HLF: variants seen among roughly 807,000 people sequenced by gnomAD.
HLF encodes hepatic leukemia factor.
A neutral mutation model predicts 22.6 loss-of-function variants in HLF; 3 were observed. The ratio of observed to expected loss-of-function variants is 0.13; its 90% confidence interval spans 0.06 to 0.34. The LOEUF is 0.34. Among genes scored for constraint, HLF ranks in the 10% least tolerant of loss-of-function variants. The pLI is 1.00. For synonymous variants in HLF, 151 were observed against 151.8 expected (o/e 0.99, Z 0.04); for missense variants, 299 against 389.2 (o/e 0.77, Z 1.95).
chr17:55,302,547 T>C (rs1264146512), intron 2 of HLF, among the ~76,000 whole-genome samples: 2 of 152,162 alleles, frequency 1.3e-5, no homozygotes, highest in Non-Finnish European at 2.9e-5. Context: ...GGGGAGCATA[T>C]GGGTCATTTG....
chr17:55,269,674 G>A (rs967376282), intron 2 of HLF, among the ~76,000 whole-genome samples: 31 of 152,168 alleles, frequency 2.0e-4, no homozygotes, highest in African/African-American at 7.0e-4. Flanking sequence ...TACGTATAAA[G>A]GGTCAACTGA....
At position 55,289,507 on chromosome 17, in the gene HLF, G is replaced by A. The variant is rs375421572; in HGVS notation, c.451+21421G>A. The stretch of plus-strand genomic sequence containing the variant: ...GTGTGCCTCAGTTTACTAATATGCT[G>A]GGGAAAATAACACCCCTCTTGCCAA... On this transcript the variant is annotated intron_variant, in intron 2 of 3. Coordinates refer to ENST00000226067, the MANE Select transcript of HLF (RefSeq NM_002126.5). Among the ~76,000 whole-genome samples the A allele has an allele frequency of 1.9e-3, 288 of 152,240 alleles. 1 individual carries two copies. The highest frequency in any genetic ancestry group is 3.1e-3 in the Non-Finnish European group (214 of 68,016).
intron 2 of HLF, among the ~76,000 whole-genome samples, chr17:55,312,749 CTT>C (rs989328678): frequency 3.9e-5 from 6 of 152,170 alleles, no homozygotes; most frequent in Admixed American, 6.5e-5. Context: ...CTTTCACTCT[CTT>C]TACACATTCC....
intron 2 of HLF, among the ~76,000 whole-genome samples, chr17:55,298,537 C>T (rs1006791067): frequency 2.0e-5 from 3 of 152,160 alleles, no homozygotes; most frequent in African/African-American, 7.2e-5. Context: ...TTTAGCTTGG[C>T]TAATCTTAGT....
chr17:55,273,939 C>T (rs1005763154), intron 2 of HLF, among the ~76,000 whole-genome samples: 1 of 152,182 alleles, frequency 6.6e-6, no homozygotes, highest in Admixed American at 6.5e-5. Flanking sequence ...GCCCTCTCTC[C>T]TGCCTGTCTG....
chr17:55,303,056 G>C (rs937062023), intron 2 of HLF, among the ~76,000 whole-genome samples: 1 of 152,202 alleles, frequency 6.6e-6, no homozygotes, highest in Non-Finnish European at 1.5e-5. Flanking sequence ...GTTGACAAAA[G>C]CAGAAGTCCC....
At chr17:55,284,409 T>G (rs1027962996) in intron 2 of HLF, among the ~76,000 whole-genome samples, 2 of 152,224 alleles carry the variant, frequency 1.3e-5, no homozygotes, top group African/African-American at 4.8e-5. Flanking sequence ...TACTGCTGTT[T>G]CCTGTTGTTT....
intron 2 of HLF, among the ~76,000 whole-genome samples, chr17:55,303,430 C>CT (rs765349492): frequency 5.3e-5 from 8 of 152,328 alleles, no homozygotes; most frequent in Non-Finnish European, 1.0e-4. Flanking sequence ...AACTAGAAAG[C>CT]TACCCTTCTC....
At chr17:55,297,452 G>T (rs184679122) in intron 2 of HLF, among the ~76,000 whole-genome samples, 1 of 152,190 alleles carries the variant, frequency 6.6e-6, no homozygotes, top group East Asian at 1.9e-4. Context: ...CCCTTGCTTA[G>T]GTAGCCTCAA....
rs771286163 is a variant in HLF at position 55,267,752 on chromosome 17, A to G, written c.117A>G (p.Ala39=). The G allele has an allele frequency of 3.2e-6, 5 of 1,560,916 alleles. No homozygotes were observed. The highest frequency in any genetic ancestry group is 2.3e-5 in the South Asian group (2 of 85,376). The change falls in exon 2 of 4, where the codon GCA becomes GCG. Residue 39 remains alanine (A), a splice_region_variant and synonymous_variant. Coordinates refer to ENST00000226067, the MANE Select transcript of HLF (RefSeq NM_002126.5). ...GTCCAGCTTTCCCTTCTTCTGCAGC[A>G]TTTAGTAAAGATAAAGACAAGGAAA... The part of the protein sequence containing the change: ...PLKLPLHHED[A]FSKDKDKEKK...
chr17:55,313,449 T>C lies in HLF; in HGVS notation c.452-1778T>C, dbSNP rs1904930903. Reference sequence around the variant, plus strand: ...TTTTGATACAGCATAATAAACAATATTGGAGTACTAAGGAGGAGCTTGGAG... The same window carrying C: ...TTTTGATACAGCATAATAAACAATACTGGAGTACTAAGGAGGAGCTTGGAG... On this transcript the variant is annotated intron_variant, in intron 2 of 3. Coordinates refer to ENST00000226067, the MANE Select transcript of HLF (RefSeq NM_002126.5). Among the ~76,000 whole-genome samples, 3 of 151,350 alleles carry C rather than the reference T, an allele frequency of 2.0e-5. No individual in the cohort carries two copies. In the South Asian group the frequency reaches 6.3e-4, roughly 32 times the overall value.
rs116241527 is a variant in HLF at position 55,278,626 on chromosome 17, A to C, written c.451+10540A>C. Among the ~76,000 whole-genome samples the C allele has an allele frequency of 7.1e-3, 1,085 of 152,326 alleles. 13 individuals carry two copies. The highest frequency in any genetic ancestry group is 0.025 in the African/African-American group (1,034 of 41,584). ...AAACCAGATGAACAAGATCATCTAG[A>C]TATGCAGTAATCAGATTACCCAGAA... On this transcript the variant is annotated intron_variant, in intron 2 of 3. Transcript: ENST00000226067.
chr17:55,311,952 G>A (rs1422614809), intron 2 of HLF, among the ~76,000 whole-genome samples: 1 of 152,112 alleles, frequency 6.6e-6, no homozygotes, highest in Non-Finnish European at 1.5e-5. Context: ...ATTCATTTAG[G>A]ATGATGGCCG....
intron 2 of HLF, among the ~76,000 whole-genome samples, chr17:55,304,797 C>G (rs1904468784): frequency 6.6e-6 from 1 of 152,212 alleles, no homozygotes; most frequent in Non-Finnish European, 1.5e-5. Context: ...CCATTCAGCG[C>G]CCTGAGGTGG....
intron 2 of HLF, among the ~76,000 whole-genome samples, chr17:55,287,822 G>A (rs1436467596): frequency 6.6e-6 from 1 of 152,192 alleles, no homozygotes; most frequent in Non-Finnish European, 1.5e-5. Context: ...GTTTCCCAGA[G>A]GTGGGGACTG....
At chr17:55,306,194 C>A (rs1904539684) in intron 2 of HLF, among the ~76,000 whole-genome samples, 1 of 151,984 alleles carries the variant, frequency 6.6e-6, no homozygotes. Flanking sequence ...ACACTGCAGC[C>A]TGGAGACAGA....
intron 2 of HLF, among the ~76,000 whole-genome samples, chr17:55,297,240 T>C (rs939661632): frequency 6.6e-6 from 1 of 152,266 alleles, no homozygotes; most frequent in Non-Finnish European, 1.5e-5. Flanking sequence ...GATACTTTTC[T>C]TGTTATTCTG....
chr17:55,286,842 A>C (rs2081008374), intron 2 of HLF, among the ~76,000 whole-genome samples: 1 of 152,182 alleles, frequency 6.6e-6, no homozygotes, highest in Non-Finnish European at 1.5e-5. Flanking sequence ...AGCTAGATGC[A>C]TGTGCCAGGC....
chr17:55,293,687 C>T (rs1353287521), intron 2 of HLF, among the ~76,000 whole-genome samples: 6 of 151,952 alleles, frequency 3.9e-5, no homozygotes, highest in East Asian at 1.9e-4. Context: ...GTGCTGGGGG[C>T]GATTAATAGG....
Sources: allele counts gnomAD v4.1 joint callset (sites outside exome capture counted in the v4.1 genomes callset), GRCh38; gene constraint gnomAD v4.1.1; transcripts MANE v1.5; gene names NCBI Gene and HGNC (gene_info 2026-07-23, HGNC 2026-07-21).